KIFAP3: variants seen among roughly 807,000 people sequenced by gnomAD.
KIFAP3 encodes the protein kinesin associated protein 3.
Under a neutral mutation model 106.5 loss-of-function variants are expected in KIFAP3, and 68 were observed. The ratio of observed to expected loss-of-function variants is 0.64; its 90% CI spans 0.53 to 0.78. The LOEUF (loss-of-function observed/expected upper bound fraction) is 0.78. KIFAP3 is among the 30% of genes least tolerant of loss of function. KIFAP3 has a pLI of 0.00. For missense variants in KIFAP3, 780 were observed against 941.8 expected (o/e 0.83, Z 2.25); for synonymous variants, 320 against 311.5 (o/e 1.03, Z -0.29).
intron 1 of KIFAP3, among the ~76,000 whole-genome samples, chr1:170,058,166 T>G (rs1326434746): frequency 6.6e-6 from 1 of 152,208 alleles, no homozygotes; most frequent in Non-Finnish European, 1.5e-5. Flanking sequence ...TAAATGCTGA[T>G]GAACCTTGTG....
chr1:170,056,733 T>A (rs1318663946), intron 1 of KIFAP3, among the ~76,000 whole-genome samples: 1 of 152,116 alleles, frequency 6.6e-6, no homozygotes, highest in Non-Finnish European at 1.5e-5. Flanking sequence ...AGGAGATGCA[T>A]CTGGAGTGAG....
intron 1 of KIFAP3, among the ~76,000 whole-genome samples, chr1:170,066,175 AC>A (rs35418624): frequency 0.72 from 95,284 of 132,022 alleles, 34,372 homozygotes; most frequent in East Asian, 0.81. Context: ...TATTGCCTAC[AC>A]CCCCCCCCCC....
chr1:169,935,723 C>T (rs1663757915), intron 19 of KIFAP3, among the ~76,000 whole-genome samples: 1 of 151,842 alleles, frequency 6.6e-6, no homozygotes. Context: ...GTAGCTTTTA[C>T]TTAAGAATCA....
upstream of KIFAP3, among the ~76,000 whole-genome samples, chr1:170,075,437 C>A (rs1486270905): frequency 3.3e-5 from 5 of 152,172 alleles, no homozygotes; most frequent in Non-Finnish European, 7.4e-5. Flanking sequence ...ACCTCTACTC[C>A]CCCTGCTCAC....
chr1:170,063,462 CCATTT>C (rs1303205738), intron 1 of KIFAP3, among the ~76,000 whole-genome samples: 16 of 152,248 alleles, frequency 1.1e-4, no homozygotes, highest in Admixed American at 7.2e-4. Context: ...TCAGTGTCTC[CCATTT>C]CCTAGCCCTC....
At chr1:169,965,820 A>G (rs1665581962) in intron 17 of KIFAP3, among the ~76,000 whole-genome samples, 1 of 151,200 alleles carries the variant, frequency 6.6e-6, no homozygotes, top group Non-Finnish European at 1.5e-5. Flanking sequence ...TCTATTTGAC[A>G]AAAGTCCAAA....
chr1:170,022,169 G>A (rs142803208), intron 9 of KIFAP3, among the ~76,000 whole-genome samples: 114 of 151,606 alleles, frequency 7.5e-4, no homozygotes, highest in African/African-American at 2.4e-3. Flanking sequence ...GGCTGGTCTC[G>A]AACTCCTGAC....
chr1:169,981,101 C>A (rs1244086494), intron 15 of KIFAP3, among the ~76,000 whole-genome samples: 2 of 152,054 alleles, frequency 1.3e-5, no homozygotes, highest in Non-Finnish European at 2.9e-5. Context: ...AACTATGTCT[C>A]AAAAAGTCAA....
chr1:169,943,300 A>T lies in KIFAP3; in HGVS notation c.2273+10711T>A, dbSNP rs1664241731. On this transcript the variant is annotated intron_variant, in intron 19 of 19. Transcript: ENST00000361580. ...GTTTTAGCTGTTTCTTAAAAAACAA[A>T]TATCTTAGAAAAAATATCTAATATT... 2.0e-5 allele frequency among the ~76,000 whole-genome samples: 3 copies of T among 152,254 alleles called. No individual in the cohort carries two copies. In the South Asian group the frequency reaches 6.2e-4, roughly 32 times the overall value.
intron 1 of KIFAP3, among the ~76,000 whole-genome samples, chr1:170,080,966 T>C (rs1377828416): frequency 6.6e-6 from 1 of 152,152 alleles, no homozygotes; most frequent in African/African-American, 2.4e-5. Flanking sequence ...AAATTATCTT[T>C]AACATTTCCT....
Position 169,928,699 on chromosome 1 carries a change from C to CAAAAAAAAAAAAAAAAAAAAAAAAA in KIFAP3, c.2274-6919_2274-6918insTTTTTTTTTTTTTTTTTTTTTTTTT, listed in dbSNP as rs10690029. Among the ~76,000 whole-genome samples the CAAAAAAAAAAAAAAAAAAAAAAAAA allele has an allele frequency of 3.4e-4, 13 of 37,778 alleles. 2 individuals are homozygous for CAAAAAAAAAAAAAAAAAAAAAAAAA. Among genetic ancestry groups the CAAAAAAAAAAAAAAAAAAAAAAAAA allele is most frequent in the Admixed American group, 4.8e-4 (1 of 2,072 alleles). 24.8% of individuals were successfully genotyped at this position (37,778 alleles called of 152,430 possible). A position where few individuals can be genotyped will look rare whatever the true frequency, so the allele number is the denominator to read the frequency against. ...AACAGAGTGAGTGAGACCCTGTCTC[C>CAAAAAAAAAAAAAAAAAAAAAAAAA]AAAAAAAAAAAAAAAAAAAAAATTA... On this transcript the variant is annotated intron_variant, in intron 19 of 19. Coordinates refer to ENST00000361580, the MANE Select transcript of KIFAP3 (RefSeq NM_014970.4).
intron 1 of KIFAP3, among the ~76,000 whole-genome samples, chr1:170,074,224 C>G (rs1219785273): frequency 1.3e-5 from 2 of 152,188 alleles, no homozygotes; most frequent in Non-Finnish European, 2.9e-5. Context: ...GCTGTCAGGG[C>G]TCCGCCGAGT....
At chr1:170,007,264 G>C (rs1668012345) in intron 10 of KIFAP3, among the ~76,000 whole-genome samples, 1 of 151,620 alleles carries the variant, frequency 6.6e-6, no homozygotes, top group South Asian at 2.1e-4. Flanking sequence ...AATGAGGGGA[G>C]GGGACAGAAA....
Position 170,055,551 on chromosome 1 carries a change from A to AT in KIFAP3, c.33-116dup, listed in dbSNP as rs1210822109. The stretch of plus-strand genomic sequence containing the variant: ...GGATTAACATGTGCATTTGAATCAG[A>AT]TTACTCTTGACTTGGGATTAGAGAT... On this transcript the variant is annotated intron_variant, in intron 1 of 19. Coordinates refer to ENST00000361580, the MANE Select transcript of KIFAP3 (RefSeq NM_014970.4). 7.4e-6 allele frequency: 5 copies of AT among 674,576 alleles called. No homozygotes were observed. The African/African-American group carries it at 9.2e-5, about 12-fold the overall frequency. 41.8% of individuals were successfully genotyped at this position (674,576 alleles called of 1,614,324 possible).
rs980407314 is a variant in KIFAP3 at position 169,964,723 on chromosome 1, G to A, written c.1984-3488C>T. 2.6e-5 allele frequency among the ~76,000 whole-genome samples: 4 copies of A among 152,004 alleles called. No individual in the cohort carries two copies. The East Asian group carries it at 7.7e-4, about 29-fold the overall frequency. ...ACAAGCAGTTTTGTGGTTCACTTTG[G>A]GCTTCCAAAATTAAATAAAATACCA... On this transcript the variant is annotated intron_variant, in intron 17 of 19. Transcript: ENST00000361580.
At chr1:169,926,568 CTG>C in intron 19 of KIFAP3, among the ~76,000 whole-genome samples, 1 of 151,842 alleles carries the variant, frequency 6.6e-6, no homozygotes, top group South Asian at 2.1e-4. Context: ...TTATAATTGA[CTG>C]TGTATATATG....
In KIFAP3 at chr1:169,993,602, TCCCAGGGTCTAG is replaced by T. The variant is rs1558227793; in HGVS notation, c.1184-1359_1184-1348del. ...AGATTTGAGACAGAAGTATTCAGTT[TCCCAGGGTCTAG>T]CAAGCTTCAGGCAGGTGATTTGCTT... is the stretch of plus-strand genomic sequence containing the variant. On this transcript the variant is annotated intron_variant, in intron 10 of 19. Transcript: ENST00000361580. Among the ~76,000 whole-genome samples the T allele has an allele frequency of 6.4e-5, 9 of 141,582 alleles. 4 individuals carry two copies. Among genetic ancestry groups the T allele is most frequent in the East Asian group, 2.1e-4 (1 of 4,812 alleles). 92.9% of individuals were successfully genotyped at this position (141,582 alleles called of 152,430 possible). A position where few individuals can be genotyped will look rare whatever the true frequency, so the allele number is the denominator to read the frequency against.
Position 170,016,690 on chromosome 1 carries a change from T to C in KIFAP3, c.1021-66A>G, listed in dbSNP as rs1188857553. 1.6e-5 allele frequency: 16 copies of C among 996,450 alleles called. No homozygotes were observed. In the East Asian group the frequency reaches 4.6e-4, roughly 29 times the overall value. 61.7% of individuals were successfully genotyped at this position (996,450 alleles called of 1,614,324 possible). A position where few individuals can be genotyped will look rare whatever the true frequency, so the allele number is the denominator to read the frequency against. The stretch of plus-strand genomic sequence containing the variant: ...CAAAATAGGACAAAAAGAATATAAT[T>C]ATTTTTTCTTTGTTTTTACCCTAAT... On this transcript the variant is annotated intron_variant, in intron 9 of 19. Coordinates refer to ENST00000361580, the MANE Select transcript of KIFAP3 (RefSeq NM_014970.4).
chr1:169,974,110 T>C (rs1217717298), intron 16 of KIFAP3, among the ~76,000 whole-genome samples: 1 of 151,846 alleles, frequency 6.6e-6, no homozygotes, highest in African/African-American at 2.4e-5. Flanking sequence ...AATGTTGAAA[T>C]TTAAGTTTGC....
Sources: gnomAD v4.1 joint callset for allele counts (sites outside exome capture counted in the v4.1 genomes callset) on GRCh38, gnomAD v4.1.1 for gene constraint, MANE v1.5 for transcripts, NCBI Gene and HGNC (gene_info 2026-07-23, HGNC 2026-07-21) for gene names.